Variants in RBFOX1 observed in about 807,000 individuals in gnomAD.
RBFOX1 encodes the protein RNA binding protein fox-1 homolog 1.
In RBFOX1, 8 loss-of-function variants were observed where a neutral mutation model predicts 57.7. The observed-to-expected ratio is 0.14, with a 90% CI of 0.08 to 0.25. RBFOX1 has a LOEUF of 0.25. RBFOX1 is among the 10% of genes least tolerant of loss of function. The pLI is 1.00. For synonymous variants in RBFOX1, 326 were observed against 222.4 expected (o/e 1.47, Z -4.15); for missense variants, 611 against 548.5 (o/e 1.11, Z -1.14).
intron 3 of RBFOX1, among the ~76,000 whole-genome samples, chr16:5,845,615 C>T (rs2056736973): frequency 6.6e-6 from 1 of 152,154 alleles, no homozygotes; most frequent in Non-Finnish European, 1.5e-5. Context: ...CTTTGTTATT[C>T]CCCATAACTG....
At chr16:7,534,804 C>G (rs142460208) in intron 5 of RBFOX1, among the ~76,000 whole-genome samples, 7 of 152,148 alleles carry the variant, frequency 4.6e-5, no homozygotes, top group African/African-American at 1.7e-4. Flanking sequence ...TTAATTCTAA[C>G]ACACAGTTCA....
At position 6,093,634 on chromosome 16, in the gene RBFOX1, T is replaced by A. The variant is rs141444490; in HGVS notation, c.-127+73642T>A. On this transcript the variant is annotated intron_variant, in intron 1 of 15. Coordinates refer to ENST00000550418, the MANE Select transcript of RBFOX1 (RefSeq NM_018723.4). ...GAATTCTGTAATCTTTTCCTTTTCTTTTCTTGCAGCACAGTCTCACTCTGT... is the reference window on the plus strand; with the variant it reads ...GAATTCTGTAATCTTTTCCTTTTCTATTCTTGCAGCACAGTCTCACTCTGT... Among the ~76,000 whole-genome samples the A allele has an allele frequency of 7.9e-5, 12 of 152,130 alleles. No individual in the cohort carries two copies. The East Asian group carries it at 2.3e-3, about 30-fold the overall frequency.
Position 6,883,956 on chromosome 16 carries a change from C to G in RBFOX1, c.-15-168101C>G, listed in dbSNP as rs1035900201. On this transcript the variant is annotated intron_variant, in intron 3 of 15. Transcript: ENST00000550418. ...AAATGACGTTGCTACTTGCCACGGT[C>G]CAAAGCGCAGAGGAGATGGGGAGAT... 4.7e-4 allele frequency among the ~76,000 whole-genome samples: 72 copies of G among 152,260 alleles called. 1 individual carries two copies. The highest frequency in any genetic ancestry group is 1.7e-3 in the African/African-American group (71 of 41,556).
intron 3 of RBFOX1, among the ~76,000 whole-genome samples, chr16:7,012,344 T>A (rs1188626345): frequency 6.6e-6 from 1 of 152,194 alleles, no homozygotes; most frequent in East Asian, 1.9e-4. Flanking sequence ...GACCTGGGAC[T>A]GAATCAGGTC....
intron 1 of RBFOX1, among the ~76,000 whole-genome samples, chr16:5,331,840 A>T (rs1444232585): frequency 6.6e-6 from 1 of 152,224 alleles, no homozygotes; most frequent in African/African-American, 2.4e-5. Flanking sequence ...GCTGGTGACC[A>T]TGCCCACCCT....
chr16:7,277,709 G>C (rs1467710494), intron 4 of RBFOX1, among the ~76,000 whole-genome samples: 1 of 151,992 alleles, frequency 6.6e-6, no homozygotes, highest in Non-Finnish European at 1.5e-5. Flanking sequence ...TCAAAGCCAA[G>C]GACTTCTATA....
chr16:6,502,348 G>C (rs1191166916), intron 2 of RBFOX1, among the ~76,000 whole-genome samples: 1 of 152,094 alleles, frequency 6.6e-6, no homozygotes, highest in Non-Finnish European at 1.5e-5. Flanking sequence ...CGTTCCCTAG[G>C]AAAATCCCAA....
intron 1 of RBFOX1, among the ~76,000 whole-genome samples, chr16:5,465,575 G>T (rs544413454): frequency 2.0e-5 from 3 of 152,276 alleles, no homozygotes; most frequent in Admixed American, 2.0e-4. Flanking sequence ...TGTGACTGTA[G>T]GTCAAAGTCA....
rs373304638 is a variant in RBFOX1 at position 5,377,377 on chromosome 16, C to T, written c.220-89839C>T. 1.6e-4 allele frequency among the ~76,000 whole-genome samples: 24 copies of T among 151,038 alleles called. 1 individual carries two copies. Among genetic ancestry groups the T allele is most frequent in the South Asian group, 2.1e-4 (1 of 4,814 alleles). ...AGATGGGGTCACGTAAGCAGAGACT[C>T]GAGGGATGAGAAGGAGTTGACCAGG... On this transcript the variant is annotated intron_variant, in intron 1 of 2. Transcript: ENST00000585867.
At chr16:6,618,526 T>TG (rs1402332665) in intron 2 of RBFOX1, among the ~76,000 whole-genome samples, 2 of 152,324 alleles carry the variant, frequency 1.3e-5, no homozygotes, top group East Asian at 3.9e-4. Flanking sequence ...ATGTGGATTT[T>TG]GCTTATAATC....
chr16:6,411,806 A>C (rs372835411), intron 2 of RBFOX1, among the ~76,000 whole-genome samples: 8 of 152,344 alleles, frequency 5.3e-5, no homozygotes, highest in African/African-American at 1.9e-4. Context: ...TTTCAGATGA[A>C]GTGATTAAAA....
chr16:5,332,023 A>T (rs1233294237), intron 1 of RBFOX1, among the ~76,000 whole-genome samples: 1 of 152,172 alleles, frequency 6.6e-6, no homozygotes, highest in Non-Finnish European at 1.5e-5. Flanking sequence ...TAAAGCCTAA[A>T]AGTAGACTCA....
intron 4 of RBFOX1, among the ~76,000 whole-genome samples, chr16:7,169,583 A>T (rs1254929570): frequency 1.3e-5 from 2 of 152,206 alleles, no homozygotes; most frequent in Admixed American, 6.5e-5. Flanking sequence ...CATCTTCAAC[A>T]CATTCCTACC....
At chr16:6,716,549 C>G (rs971278716) in intron 3 of RBFOX1, among the ~76,000 whole-genome samples, 2 of 152,254 alleles carry the variant, frequency 1.3e-5, no homozygotes, top group Non-Finnish European at 2.9e-5. Context: ...AGAACTTACT[C>G]TTCCATCTTC....
At position 6,950,635 on chromosome 16, in the gene RBFOX1, C is replaced by G. The variant is rs1329413445; in HGVS notation, c.-15-101422C>G. ...AGGTGCTGTGTGCCTTATGTAGAAG[C>G]TCTAAATCTCTCTCAAGGATGCAGA... On this transcript the variant is annotated intron_variant, in intron 3 of 15. Transcript: ENST00000550418. 2.6e-5 allele frequency among the ~76,000 whole-genome samples: 4 copies of G among 152,012 alleles called. No homozygotes were observed. In the South Asian group the frequency reaches 6.2e-4, roughly 24 times the overall value.
chr16:7,274,577 T>G (rs2095404482), intron 4 of RBFOX1, among the ~76,000 whole-genome samples: 1 of 152,212 alleles, frequency 6.6e-6, no homozygotes, highest in Non-Finnish European at 1.5e-5. Flanking sequence ...CACTTCTCTC[T>G]GGAACTAGGT....
At chr16:7,547,575 TAGTC>T (rs1253422146) in intron 5 of RBFOX1, among the ~76,000 whole-genome samples, 1 of 152,244 alleles carries the variant, frequency 6.6e-6, no homozygotes, top group East Asian at 1.9e-4. Context: ...CATATTTTAA[TAGTC>T]AGTTGACCAC....
At chr16:7,153,023 T>A (rs961828178) in intron 4 of RBFOX1, among the ~76,000 whole-genome samples, 2 of 152,228 alleles carry the variant, frequency 1.3e-5, no homozygotes, top group Non-Finnish European at 2.9e-5. Context: ...GATTCTAATA[T>A]ATTTTTTTGT....
At chr16:5,953,047 C>A (rs9936893) in intron 4 of RBFOX1, among the ~76,000 whole-genome samples, 1 of 148,316 alleles carries the variant, frequency 6.7e-6, no homozygotes, top group East Asian at 2.1e-4. Context: ...GAATCTCCTG[C>A]GGAAGATTAT....
Sources: gnomAD v4.1 joint callset for allele counts (sites outside exome capture counted in the v4.1 genomes callset) on GRCh38, gnomAD v4.1.1 for gene constraint, MANE v1.5 for transcripts, NCBI Gene and HGNC (gene_info 2026-07-23, HGNC 2026-07-21) for gene names.